Variants in RFX7 observed in about 807,000 individuals in gnomAD.
RFX7 encodes the protein DNA-binding protein RFX7.
RFX7 carries 26 observed loss-of-function variants against 111.8 expected under a neutral mutation model. That is an observed-to-expected ratio of 0.23 (90% CI 0.17 to 0.32). The LOEUF is 0.32. Among genes scored for constraint, RFX7 ranks in the 10% least tolerant of loss-of-function variants. RFX7 has a pLI of 1.00. For synonymous variants in RFX7, 624 were observed against 624.4 expected (o/e 1.00, Z 0.01); for missense variants, 1,573 against 1,772.9 (o/e 0.89, Z 2.02).
At chr15:56,198,362 C>T (rs748223643) in intron 2 of RFX7, among the ~76,000 whole-genome samples, 2 of 152,108 alleles carry the variant, frequency 1.3e-5, no homozygotes, top group Non-Finnish European at 2.9e-5. Context: ...CCTAGAGCAA[C>T]GTATGTCTAG....
At chr15:56,106,374 C>T (rs1490041157) in intron 5 of RFX7, among the ~76,000 whole-genome samples, 3 of 152,164 alleles carry the variant, frequency 2.0e-5, no homozygotes, top group Non-Finnish European at 4.4e-5. Flanking sequence ...CCTCCTGAAT[C>T]ATGTCAGAAG....
intron 3 of RFX7, among the ~76,000 whole-genome samples, chr15:56,150,259 G>A (rs942353699): frequency 8.5e-5 from 13 of 152,298 alleles, no homozygotes; most frequent in African/African-American, 2.2e-4. Context: ...ATCCCTGCCT[G>A]ATGGCTCTGA....
intron 8 of RFX7, among the ~76,000 whole-genome samples, chr15:56,100,463 C>A (rs939631464): frequency 1.3e-5 from 2 of 151,966 alleles, no homozygotes; most frequent in East Asian, 3.9e-4. Context: ...TAGAAGAAAA[C>A]GGACTCATTA....
At position 56,091,516 on chromosome 15, in the gene RFX7, AC is replaced by A. The variant is rs1456534336; in HGVS notation, c.*1828del. 6.6e-6 allele frequency: 1 copy of A among 152,546 alleles called. No individual in the cohort carries two copies. The highest frequency in any genetic ancestry group is 1.5e-5 in the Non-Finnish European group (1 of 67,968). The allele number at this position is 152,546 out of a possible 1,614,324, so 9.4% of individuals were successfully genotyped here. A position where few individuals can be genotyped will look rare whatever the true frequency, so the allele number is the denominator to read the frequency against. On this transcript the variant is annotated 3_prime_UTR_variant, in exon 10 of 10. Coordinates refer to ENST00000559447, the MANE Select transcript of RFX7 (RefSeq NM_022841.7). ...TATTAGTAGGAAGCTAATAATGTAA[AC>A]AAGGGATTAGAATGGCCTCAAAATC...
intron 2 of RFX7, among the ~76,000 whole-genome samples, chr15:56,234,750 T>C (rs1398007592): frequency 6.6e-6 from 1 of 152,232 alleles, no homozygotes. Flanking sequence ...TAACATATTT[T>C]ACTGTCATAT....
At position 56,094,163 on chromosome 15, in the gene RFX7, G is replaced by C. The variant is rs776089803; in HGVS notation, c.3565C>G (p.Pro1189Ala). The C allele has an allele frequency of 6.2e-7, 1 of 1,613,912 alleles. No homozygotes were observed. Among genetic ancestry groups the C allele is most frequent in the East Asian group, 2.2e-5 (1 of 44,872 alleles). The change falls in exon 10 of 10, where the codon CCA (proline) becomes GCA (alanine). Residue 1189 changes from proline to alanine, a missense_variant. Around this residue, in one of 7 missense-constraint regions of RFX7, gnomAD observed 411 missense variants for 478.1 expected, o/e 0.86. Coordinates refer to ENST00000559447, the MANE Select transcript of RFX7 (RefSeq NM_022841.7). ...CCAAAGGGGGTCACATTAGATCGTG[G>C]GATATTAGATACTGGATAGAGGGTG... ...GSTLYPVSNI[P>A]RSNVTPFGSP...
chr15:56,132,382 TAAAG>T (rs1288961579), intron 5 of RFX7, among the ~76,000 whole-genome samples: 1 of 151,762 alleles, frequency 6.6e-6, no homozygotes, highest in African/African-American at 2.4e-5. Context: ...ACAGAGAACA[TAAAG>T]AAAGAAAATT....
At chr15:56,195,441 G>A (rs1323891605) in intron 2 of RFX7, among the ~76,000 whole-genome samples, 4 of 152,134 alleles carry the variant, frequency 2.6e-5, no homozygotes, top group South Asian at 2.1e-4. Context: ...ATAAAATTAA[G>A]AAAAAACTTC....
At chr15:56,137,143 G>A (rs1266940781) in intron 5 of RFX7, among the ~76,000 whole-genome samples, 9 of 152,148 alleles carry the variant, frequency 5.9e-5, no homozygotes, top group Admixed American at 3.9e-4. Flanking sequence ...ATGAGTTAGG[G>A]AGGATTCCCT....
rs114270013 is a variant in RFX7 at position 56,183,872 on chromosome 15, A to C, written c.162-4569T>G. On this transcript the variant is annotated intron_variant, in intron 2 of 9. Coordinates refer to ENST00000559447, the MANE Select transcript of RFX7 (RefSeq NM_022841.7). ...TAAAATGTCATTTCCTTTCTGAATA[A>C]ATCTTTTGTTAGAAAGAGTACAAGG... Among the ~76,000 whole-genome samples, 622 of 152,294 alleles carry C rather than the reference A, an allele frequency of 4.1e-3. 9 individuals are homozygous for C. Among genetic ancestry groups the C allele is most frequent in the African/African-American group, 0.014 (600 of 41,534 alleles).
At chr15:56,112,096 T>A (rs1408461697) in intron 5 of RFX7, among the ~76,000 whole-genome samples, 5 of 142,172 alleles carry the variant, frequency 3.5e-5, no homozygotes, top group Admixed American at 7.3e-5. Context: ...GGCTGGGCAA[T>A]AGAGGGACAC....
At chr15:56,217,547 T>C (rs1203026577) in intron 2 of RFX7, among the ~76,000 whole-genome samples, 1 of 152,128 alleles carries the variant, frequency 6.6e-6, no homozygotes, top group Non-Finnish European at 1.5e-5. Flanking sequence ...TGTACTATTA[T>C]AAAACACACA....
At chr15:56,173,927 T>C (rs1439154948) in intron 3 of RFX7, among the ~76,000 whole-genome samples, 1 of 152,054 alleles carries the variant, frequency 6.6e-6, no homozygotes, top group Non-Finnish European at 1.5e-5. Flanking sequence ...ATACTACAAT[T>C]AGCAGTCAAG....
chr15:56,198,762 A>G (rs1251769510), intron 2 of RFX7, among the ~76,000 whole-genome samples: 9 of 152,182 alleles, frequency 5.9e-5, no homozygotes, highest in African/African-American at 2.2e-4. Flanking sequence ...TTACAGATAA[A>G]TAAGATTAGC....
chr15:56,224,771 CTT>C (rs2043464436), intron 2 of RFX7, among the ~76,000 whole-genome samples: 1 of 151,976 alleles, frequency 6.6e-6, no homozygotes, highest in Non-Finnish European at 1.5e-5. Flanking sequence ...ATAGAGAAAA[CTT>C]TTCATTCTAT....
chr15:56,152,556 T>C (rs573370077), intron 3 of RFX7, among the ~76,000 whole-genome samples: 1 of 152,156 alleles, frequency 6.6e-6, no homozygotes, highest in Non-Finnish European at 1.5e-5. Flanking sequence ...TAAAGCAGTG[T>C]TTAGAGGGAA....
At chr15:56,176,491 T>A (rs1310010427) in intron 3 of RFX7, among the ~76,000 whole-genome samples, 3 of 152,274 alleles carry the variant, frequency 2.0e-5, no homozygotes, top group Middle Eastern at 3.4e-3. Flanking sequence ...TAATGGCTGA[T>A]GTCCAAAATG....
chr15:56,229,139 C>T (rs1444819423), intron 2 of RFX7, among the ~76,000 whole-genome samples: 1 of 152,050 alleles, frequency 6.6e-6, no homozygotes, highest in East Asian at 1.9e-4. Flanking sequence ...TGGTATTTTC[C>T]ATTTAATATT....
At chr15:56,174,610 G>A (rs1339421817) in intron 3 of RFX7, among the ~76,000 whole-genome samples, 1 of 152,080 alleles carries the variant, frequency 6.6e-6, no homozygotes, top group East Asian at 1.9e-4. Flanking sequence ...AGTTGGACAC[G>A]GCGGTGCATG....
Sources: gnomAD v4.1 joint callset for allele counts (sites outside exome capture counted in the v4.1 genomes callset) on GRCh38, gnomAD v4.1.1 for gene constraint, gnomAD v4.1.1 regional missense constraint, MANE v1.5 for transcripts, NCBI Gene and HGNC (gene_info 2026-07-23, HGNC 2026-07-21) for gene names.